Variants in SYT15B observed in about 807,000 individuals in gnomAD.
The protein encoded by SYT15B is synaptotagmin 15B, also known as synaptotagmin-15.
the SYT15B span, among the ~76,000 whole-genome samples, chr10:47,755,559 T>TTC: frequency 1.5e-5 from 2 of 137,010 alleles, no homozygotes; most frequent in African/African-American, 5.4e-5. Context: ...CCGGCCCTTT[T>TTC]TTTTTTTTTT....
At chr10:47,759,431 CA>C in the SYT15B span, among the ~76,000 whole-genome samples, 2 of 90,544 alleles carry the variant, frequency 2.2e-5, no homozygotes, top group Non-Finnish European at 4.5e-5. Flanking sequence ...CACCACTCAC[CA>C]AATCTCTCCC....
At chr10:47,763,474 A>G in the SYT15B span, 11 of 585,232 alleles carry the variant, frequency 1.9e-5, no homozygotes, top group African/African-American at 2.2e-4. Flanking sequence ...TGTAAAGAAC[A>G]CTTAGAGCGG....
At chr10:47,747,355 G>A in the SYT15B span, among the ~76,000 whole-genome samples, 1 of 149,356 alleles carries the variant, frequency 6.7e-6, no homozygotes, top group South Asian at 2.1e-4. Context: ...TATGCAGAAA[G>A]GCTATGAAAA....
the SYT15B span, among the ~76,000 whole-genome samples, chr10:47,749,962 C>A: frequency 6.6e-6 from 1 of 151,918 alleles, no homozygotes; most frequent in South Asian, 2.1e-4. Flanking sequence ...TAGAGAAAGC[C>A]ATTTCACATA....
the SYT15B span, among the ~76,000 whole-genome samples, chr10:47,750,089 A>G: frequency 1.3e-5 from 2 of 151,870 alleles, no homozygotes; most frequent in Non-Finnish European, 1.5e-5. Context: ...AAACAAATTC[A>G]TAATAACAGT....
the SYT15B span, among the ~76,000 whole-genome samples, chr10:47,756,539 G>T: frequency 7.4e-6 from 1 of 134,288 alleles, no homozygotes; most frequent in East Asian, 2.5e-4. Flanking sequence ...TGCTCACTGG[G>T]CCCCCAGGCC....
the SYT15B span, among the ~76,000 whole-genome samples, chr10:47,754,958 CTTTTCT>C: frequency 0.038 from 1,026 of 26,852 alleles, 1 homozygote; most frequent in Middle Eastern, 0.18. Context: ...TTTTTCTTTT[CTTTTCT>C]TTTTTTTTTT....
the SYT15B span, among the ~76,000 whole-genome samples, chr10:47,756,588 A>G: frequency 1.3e-5 from 2 of 149,932 alleles, no homozygotes; most frequent in East Asian, 4.0e-4. Flanking sequence ...GAGGGCTAAG[A>G]TTTGGTGGGT....
At chr10:47,750,958 G>C in the SYT15B span, 1 of 147,830 alleles carries the variant, frequency 6.8e-6, no homozygotes, top group Non-Finnish European at 1.5e-5. Context: ...GAATAAAGGA[G>C]AAAAATAAAA....
chr10:47,754,836 G>A, the SYT15B span, among the ~76,000 whole-genome samples: 1 of 39,174 alleles, frequency 2.6e-5, no homozygotes, highest in Non-Finnish European at 5.0e-5. Context: ...TGGAGGGCAC[G>A]AGGAAGGTCA....
At chr10:47,751,171 A>C in the SYT15B span, 1 of 151,868 alleles carries the variant, frequency 6.6e-6, no homozygotes, top group East Asian at 1.9e-4. Context: ...AAGAATACCC[A>C]CTATCACTAC....
chr10:47,745,629 G>A, the SYT15B span, among the ~76,000 whole-genome samples: 1 of 125,102 alleles, frequency 8.0e-6, no homozygotes, highest in African/African-American at 2.7e-5. Flanking sequence ...CAATGGCATC[G>A]AGGCCCAAAA....
At chr10:47,747,141 G>C in the SYT15B span, among the ~76,000 whole-genome samples, 1 of 150,224 alleles carries the variant, frequency 6.7e-6, no homozygotes, top group Non-Finnish European at 1.5e-5. Context: ...TTCAGGAAAC[G>C]TGCTGATTTT....
the SYT15B span, among the ~76,000 whole-genome samples, chr10:47,756,967 C>T: frequency 2.3e-5 from 3 of 133,258 alleles, no homozygotes; most frequent in African/African-American, 5.7e-5. Context: ...CCTGGTATTG[C>T]GGCTGGGTTA....
At chr10:47,756,818 C>T in the SYT15B span, among the ~76,000 whole-genome samples, 10 of 141,322 alleles carry the variant, frequency 7.1e-5, no homozygotes, top group East Asian at 1.8e-3. Flanking sequence ...GAGTCGGGGG[C>T]TCTTCCCCTG....
chr10:47,751,024 TA>T, the SYT15B span: 46 of 146,704 alleles, frequency 3.1e-4, no homozygotes, highest in African/African-American at 1.0e-3. Context: ...TATTTGTAAT[TA>T]AAAAAATCTT....
chr10:47,762,292 C>G, the SYT15B span, among the ~76,000 whole-genome samples: 1 of 151,646 alleles, frequency 6.6e-6, no homozygotes, highest in Non-Finnish European at 1.5e-5. Flanking sequence ...ACCTAGGAGG[C>G]TTCGCCCCGG....
At chr10:47,761,102 G>GCACACACACACACACA in the SYT15B span, among the ~76,000 whole-genome samples, 6 of 145,554 alleles carry the variant, frequency 4.1e-5, no homozygotes, top group East Asian at 8.5e-4. Context: ...ACACACACAC[G>GCACACACACACACACA]CACACACACA....
At chr10:47,748,777 C>G in the SYT15B span, among the ~76,000 whole-genome samples, 2 of 149,946 alleles carry the variant, frequency 1.3e-5, no homozygotes, top group Non-Finnish European at 3.0e-5. Flanking sequence ...ACACATTACT[C>G]TCAAAGGAGA....
Sources: gnomAD v4.1 joint callset for allele counts (sites outside exome capture counted in the v4.1 genomes callset) on GRCh38, gnomAD v4.1.1 for gene constraint, MANE v1.5 for transcripts, NCBI Gene and HGNC (gene_info 2026-07-23, HGNC 2026-07-21) for gene names.